PLCZ1: variants seen among roughly 807,000 people sequenced by gnomAD.
PLCZ1 encodes phospholipase C zeta 1.
In PLCZ1, 64 loss-of-function variants were observed where a neutral mutation model predicts 76.8. The observed-to-expected ratio is 0.83, with a 90% CI of 0.68 to 1.03. PLCZ1 has a LOEUF of 1.03. Ranked by LOEUF, PLCZ1 falls within the 50% of genes least tolerant of loss-of-function variation. PLCZ1 has a pLI of 0.00. For missense variants in PLCZ1, 751 were observed against 713.7 expected (o/e 1.05, Z -0.60); for synonymous variants, 248 against 230.8 (o/e 1.07, Z -0.68).
intron 10 of PLCZ1, among the ~76,000 whole-genome samples, chr12:18,698,711 A>G (rs1311382581): frequency 6.6e-6 from 1 of 152,178 alleles, no homozygotes; most frequent in Non-Finnish European, 1.5e-5. Flanking sequence ...AAGATATACA[A>G]TGTCTAGTAA....
the PLCZ1 span, among the ~76,000 whole-genome samples, chr12:18,675,213 TCTC>T: frequency 1.3e-5 from 2 of 152,086 alleles, no homozygotes; most frequent in Non-Finnish European, 2.9e-5. Context: ...ATGAGTAAAC[TCTC>T]CTCCTCCCTC....
chr12:18,686,814 A>G (rs1953225170), intron 13 of PLCZ1, among the ~76,000 whole-genome samples: 1 of 152,110 alleles, frequency 6.6e-6, no homozygotes, highest in Non-Finnish European at 1.5e-5. Context: ...TAAGTCTTTT[A>G]CTACTCAGCA....
the PLCZ1 span, among the ~76,000 whole-genome samples, chr12:18,664,179 G>A: frequency 1.3e-5 from 2 of 152,174 alleles, no homozygotes; most frequent in African/African-American, 2.4e-5. Flanking sequence ...TGGTAGGAAC[G>A]TAAAATGGTA....
chr12:18,723,731 C>T (rs1351576262), intron 3 of PLCZ1, among the ~76,000 whole-genome samples, 189 bp from the exon 4 acceptor site: 4 of 152,040 alleles, frequency 2.6e-5, no homozygotes, highest in Non-Finnish European at 5.9e-5. Flanking sequence ...GGTTAGTTAA[C>T]TCTTGAAACC....
At chr12:18,736,168 T>A in intron 3 of PLCZ1, 53 bp downstream of exon 3, 1 of 1,584,014 alleles carries the variant, frequency 6.3e-7, no homozygotes, top group Non-Finnish European at 8.6e-7. Flanking sequence ...ATTACTGACA[T>A]TGGATTAAGT....
intron 4 of PLCZ1, among the ~76,000 whole-genome samples, chr12:18,719,955 G>A (rs551323881): frequency 1.3e-5 from 2 of 152,144 alleles, no homozygotes; most frequent in Non-Finnish European, 2.9e-5. Flanking sequence ...CTGGCACACA[G>A]GTTGAGGAAC....
the PLCZ1 span, among the ~76,000 whole-genome samples, chr12:18,660,649 C>T: frequency 6.6e-6 from 1 of 151,958 alleles, no homozygotes; most frequent in African/African-American, 2.4e-5. Flanking sequence ...ACAGAGAAGC[C>T]TATATCAATT....
the PLCZ1 span, among the ~76,000 whole-genome samples, chr12:18,669,989 C>G: frequency 1.2e-4 from 18 of 151,956 alleles, no homozygotes; most frequent in Non-Finnish European, 2.4e-4. Context: ...CTTATAAGGG[C>G]ATTAATCCTA....
At chr12:18,734,942 A>C (rs1363138840) in intron 3 of PLCZ1, among the ~76,000 whole-genome samples, 1 of 152,136 alleles carries the variant, frequency 6.6e-6, no homozygotes, top group Admixed American at 6.5e-5. Context: ...TTTTATACTT[A>C]ATTTACTGAG....
intron 10 of PLCZ1, among the ~76,000 whole-genome samples, chr12:18,697,124 A>G (rs1429302316): frequency 6.6e-6 from 1 of 152,122 alleles, no homozygotes; most frequent in Non-Finnish European, 1.5e-5. Flanking sequence ...TTCATTAAAC[A>G]GATCCTGTTT....
the PLCZ1 span, among the ~76,000 whole-genome samples, chr12:18,662,100 GAAC>G: frequency 1.3e-5 from 2 of 152,154 alleles, no homozygotes; most frequent in East Asian, 3.9e-4. Context: ...ACAAAAATGA[GAAC>G]AATAGACACT....
the PLCZ1 span, among the ~76,000 whole-genome samples, chr12:18,660,651 A>G: frequency 6.6e-6 from 1 of 152,168 alleles, no homozygotes; most frequent in African/African-American, 2.4e-5. Flanking sequence ...AGAGAAGCCT[A>G]TATCAATTAA....
the PLCZ1 span, among the ~76,000 whole-genome samples, chr12:18,656,271 A>C: frequency 6.6e-6 from 1 of 152,036 alleles, no homozygotes; most frequent in African/African-American, 2.4e-5. Flanking sequence ...TATACCAAAA[A>C]AGCATTAAAA....
chr12:18,646,539 A>AT, the PLCZ1 span, among the ~76,000 whole-genome samples: 1 of 152,170 alleles, frequency 6.6e-6, no homozygotes, highest in African/African-American at 2.4e-5. Context: ...AGGTAAGCCT[A>AT]TGCTGTACAA....
chr12:18,700,746 C>G (rs555742552), intron 9 of PLCZ1, among the ~76,000 whole-genome samples: 2 of 151,794 alleles, frequency 1.3e-5, no homozygotes, highest in Non-Finnish European at 2.9e-5. Context: ...CTATGTAGGC[C>G]AATTAATTAA....
At chr12:18,715,865 C>T (rs1360156405) in intron 5 of PLCZ1, 1 of 151,992 alleles carries the variant, frequency 6.6e-6, no homozygotes, top group African/African-American at 2.4e-5. Context: ...AGGCATGTGG[C>T]AATGCACTAT....
chr12:18,679,931 T>G (rs1330691594), downstream of PLCZ1, among the ~76,000 whole-genome samples: 1 of 151,990 alleles, frequency 6.6e-6, no homozygotes, highest in Non-Finnish European at 1.5e-5. Context: ...CCACTTCAAT[T>G]CAACCCTCCA....
intron 5 of PLCZ1, among the ~76,000 whole-genome samples, chr12:18,718,523 C>T (rs1311651995): frequency 6.6e-6 from 1 of 152,106 alleles, no homozygotes; most frequent in African/African-American, 2.4e-5. Context: ...TTGTCTCTAG[C>T]CACATTTGCC....
intron 5 of PLCZ1, among the ~76,000 whole-genome samples, chr12:18,718,487 C>T (rs1958221541): frequency 1.3e-5 from 2 of 152,118 alleles, no homozygotes; most frequent in African/African-American, 4.8e-5. Flanking sequence ...CCTCCTCAAA[C>T]TCACCTCCCT....
Sources: allele counts gnomAD v4.1 joint callset (sites outside exome capture counted in the v4.1 genomes callset), GRCh38; gene constraint gnomAD v4.1.1; transcripts MANE v1.5; gene names NCBI Gene and HGNC (gene_info 2026-07-23, HGNC 2026-07-21).